Variants in ADGRL3 observed in about 807,000 individuals in gnomAD.
ADGRL3 encodes the protein calcium-independent alpha-latrotoxin receptor 3.
In ADGRL3, 62 loss-of-function variants were observed where a neutral mutation model predicts 153.5. The observed-to-expected ratio is 0.40, with a 90% CI of 0.33 to 0.50. The LOEUF (loss-of-function observed/expected upper bound fraction) is 0.50, where lower values mean the gene tolerates loss of function less well. Among genes scored for constraint, ADGRL3 ranks in the 20% least tolerant of loss-of-function variants. The pLI, the probability that ADGRL3 is intolerant of heterozygous loss-of-function variation, is 0.47. For missense variants in ADGRL3, 1,641 were observed against 1,859.4 expected (o/e 0.88, Z 2.16); for synonymous variants, 710 against 672.5 (o/e 1.06, Z -0.86).
At chr4:61,435,872 G>A (rs1183360614) in intron 2 of ADGRL3, among the ~76,000 whole-genome samples, 1 of 150,604 alleles carries the variant, frequency 6.6e-6, no homozygotes, top group Non-Finnish European at 1.5e-5. Context: ...AAGTTAATCT[G>A]CATTGTCTCA....
intron 5 of ADGRL3, among the ~76,000 whole-genome samples, chr4:61,643,198 TG>T (rs1332732460): frequency 3.9e-5 from 6 of 152,056 alleles, no homozygotes; most frequent in Non-Finnish European, 8.8e-5. Context: ...GCTGAGACAA[TG>T]GGGTTTTCTA....
At chr4:61,653,536 G>C (rs2094343336) in intron 5 of ADGRL3, among the ~76,000 whole-genome samples, 1 of 152,030 alleles carries the variant, frequency 6.6e-6, no homozygotes, top group Non-Finnish European at 1.5e-5. Context: ...AAAAGTCCAG[G>C]GTTTAACTAG....
chr4:61,840,534 C>T (rs1226714316), intron 9 of ADGRL3, among the ~76,000 whole-genome samples: 1 of 152,144 alleles, frequency 6.6e-6, no homozygotes, highest in Non-Finnish European at 1.5e-5. Flanking sequence ...CTTTTATTAC[C>T]TTCAACTGCG....
chr4:61,211,732 G>A (rs1740115252), intron 1 of ADGRL3: 1 of 152,134 alleles, frequency 6.6e-6, no homozygotes, highest in African/African-American at 2.4e-5. Context: ...TTCATTTCAA[G>A]AGCACCCAAG....
chr4:61,892,362 T>C (rs1190074755), intron 9 of ADGRL3, among the ~76,000 whole-genome samples: 1 of 152,158 alleles, frequency 6.6e-6, no homozygotes, highest in Non-Finnish European at 1.5e-5. Context: ...TTAGGAAGCT[T>C]ACTGAAGAGT....
chr4:61,452,489 A>C (rs2152526383), intron 2 of ADGRL3, among the ~76,000 whole-genome samples: 1 of 152,318 alleles, frequency 6.6e-6, no homozygotes, highest in African/African-American at 2.4e-5. Flanking sequence ...ATATTGTCTC[A>C]GTTTCTGTTG....
chr4:61,493,542 A>G (rs551295450), intron 2 of ADGRL3, among the ~76,000 whole-genome samples: 15 of 152,342 alleles, frequency 9.8e-5, no homozygotes, highest in African/African-American at 3.6e-4. Context: ...GCCAGAGTTA[A>G]CAATAGCAAT....
chr4:61,870,687 T>C (rs1007137263), intron 9 of ADGRL3, among the ~76,000 whole-genome samples: 6 of 152,202 alleles, frequency 3.9e-5, no homozygotes, highest in Admixed American at 6.5e-5. Flanking sequence ...TAAGCACTTA[T>C]AAAGGTGGTC....
At chr4:61,532,531 TGCGCGCGC>T (rs35405501) in intron 4 of ADGRL3, among the ~76,000 whole-genome samples, 43 of 141,298 alleles carry the variant, frequency 3.0e-4, no homozygotes, top group Admixed American at 1.6e-3. Context: ...GGATGCTGCA[TGCGCGCGC>T]GCGCGCGCGC....
At chr4:61,711,856 T>C (rs1385240986) in intron 6 of ADGRL3, among the ~76,000 whole-genome samples, 1 of 151,982 alleles carries the variant, frequency 6.6e-6, no homozygotes, top group Non-Finnish European at 1.5e-5. Flanking sequence ...CAGTTCAATA[T>C]ATATGGAGAA....
At chr4:61,667,832 T>C (rs1382469653) in intron 5 of ADGRL3, among the ~76,000 whole-genome samples, 11 of 152,206 alleles carry the variant, frequency 7.2e-5, no homozygotes, top group Non-Finnish European at 1.5e-5. Flanking sequence ...GTGGCTTACA[T>C]GCCTTTTAAG....
At chr4:61,614,811 C>G (rs977028632) in intron 5 of ADGRL3, among the ~76,000 whole-genome samples, 3 of 152,114 alleles carry the variant, frequency 2.0e-5, no homozygotes, top group African/African-American at 7.2e-5. Flanking sequence ...GACTACCAGT[C>G]ATTATAATCT....
rs555048362 is a variant in ADGRL3, at chr4:61,761,779, A to T, written c.1399+28225A>T. Among the ~76,000 whole-genome samples the T allele has an allele frequency of 9.9e-5, 15 of 152,144 alleles. No homozygotes were observed. The South Asian group carries it at 3.1e-3, about 32-fold the overall frequency. On this transcript the variant is annotated intron_variant, in intron 8 of 26. Transcript: ENST00000683033. ...ACCCCATCTCTACAAAAACAAATTA[A>T]TTAGCTGGGTGTGGTGGCACATACC...
chr4:61,614,564 T>TGCTAACAGAATAGTAATCATC (rs1482289556), intron 5 of ADGRL3, among the ~76,000 whole-genome samples: 1 of 152,120 alleles, frequency 6.6e-6, no homozygotes, highest in Admixed American at 6.5e-5. Flanking sequence ...GTAATCACCC[T>TGCTAACAGAATAGTAATCATC]ACTGCTAACA....
At chr4:61,344,068 C>T (rs565239814) in intron 1 of ADGRL3, among the ~76,000 whole-genome samples, 2 of 152,134 alleles carry the variant, frequency 1.3e-5, no homozygotes, top group South Asian at 4.2e-4. Flanking sequence ...TGATAGTGGT[C>T]CTTTTAAAAG....
intron 13 of ADGRL3, among the ~76,000 whole-genome samples, chr4:61,926,434 C>T (rs1174284016): frequency 1.3e-5 from 2 of 152,094 alleles, no homozygotes; most frequent in African/African-American, 4.8e-5. Context: ...TCTTTCTTTT[C>T]CTCATCAACT....
intron 5 of ADGRL3, among the ~76,000 whole-genome samples, chr4:61,671,353 GGAAGATGTGT>G (rs1038428528): frequency 6.6e-5 from 10 of 152,082 alleles, no homozygotes; most frequent in African/African-American, 2.4e-4. Context: ...CTGTGATTTG[GGAAGATGTGT>G]ATCTTCTATG....
intron 9 of ADGRL3, among the ~76,000 whole-genome samples, chr4:61,861,504 G>A (rs546296776): frequency 6.6e-6 from 1 of 152,122 alleles, no homozygotes; most frequent in East Asian, 2.0e-4. Flanking sequence ...AGCCAAAATA[G>A]ATACAAAGAT....
chr4:61,224,759 G>A lies in ADGRL3; in HGVS notation c.-240+22994G>A, dbSNP rs1399543143. 2.0e-5 allele frequency among the ~76,000 whole-genome samples: 3 copies of A among 152,264 alleles called. 1 individual carries two copies. The highest frequency in any genetic ancestry group is 6.8e-3 in the Middle Eastern group (2 of 294). The stretch of plus-strand genomic sequence containing the variant: ...GGCTCTTAGCCATTCAGAAATCCTT[G>A]GCAGGACCCGAGGGAAGGAATGGTG... On this transcript the variant is annotated intron_variant, in intron 1 of 26. Transcript: ENST00000683033.
Sources: allele counts gnomAD v4.1 joint callset (sites outside exome capture counted in the v4.1 genomes callset), GRCh38; gene constraint gnomAD v4.1.1; transcripts MANE v1.5; gene names NCBI Gene and HGNC (gene_info 2026-07-23, HGNC 2026-07-21).